Variants in CEP112 observed in about 807,000 individuals in gnomAD.
CEP112 encodes the protein centrosomal protein 112, also known as centrosomal protein of 112 kDa.
In CEP112, 127 loss-of-function variants were observed where a neutral mutation model predicts 153.0. The observed-to-expected ratio is 0.83, with a 90% CI of 0.72 to 0.96. The LOEUF (loss-of-function observed/expected upper bound fraction) is 0.96. Among genes scored for constraint, CEP112 ranks in the 40% least tolerant of loss-of-function variants. CEP112 has a pLI of 0.00. For missense variants in CEP112, 1,089 were observed against 1,101.2 expected (o/e 0.99, Z 0.16); for synonymous variants, 358 against 374.4 (o/e 0.96, Z 0.51).
At chr17:65,979,110 AG>A (rs2063136212) in intron 17 of CEP112, among the ~76,000 whole-genome samples, 1 of 152,238 alleles carries the variant, frequency 6.6e-6, no homozygotes, top group Non-Finnish European at 1.5e-5. Flanking sequence ...AAATGGTTGC[AG>A]ATGCTCAAGC....
At chr17:65,976,144 G>A (rs933203559) in intron 17 of CEP112, among the ~76,000 whole-genome samples, 1 of 152,190 alleles carries the variant, frequency 6.6e-6, no homozygotes, top group African/African-American at 2.4e-5. Flanking sequence ...CCCCAGGGAG[G>A]GCCTATTGTC....
chr17:65,896,238 G>T (rs1406483126), intron 20 of CEP112, among the ~76,000 whole-genome samples: 3 of 151,864 alleles, frequency 2.0e-5, no homozygotes, highest in Non-Finnish European at 4.4e-5. Context: ...TCTACAAATG[G>T]ATCATTCTTA....
In CEP112 at chr17:66,191,275, C is replaced by T. The variant is rs230599; in HGVS notation, c.-9+722G>A. On this transcript the variant is annotated intron_variant, in intron 1 of 26. Coordinates refer to ENST00000535342, the MANE Select transcript of CEP112 (RefSeq NM_001199165.4). This position sits in a 1 kb window ranked among gnomAD's most constrained non-coding sequence, Gnocchi z 4.2. ...ACCATGCATTCCACTAAGCTGCAGC[C>T]TGACCACTGTGGAGAGGCTCATGGA... Among the ~76,000 whole-genome samples, 1 of 152,190 alleles carries T rather than the reference C, an allele frequency of 6.6e-6. No individual in the cohort carries two copies. The highest frequency in any genetic ancestry group is 1.5e-5 in the Non-Finnish European group (1 of 68,048).
At chr17:65,774,464 C>T (rs2053563192) in intron 21 of CEP112, among the ~76,000 whole-genome samples, 1 of 152,154 alleles carries the variant, frequency 6.6e-6, no homozygotes, top group African/African-American at 2.4e-5. Context: ...ATGAGCTTGG[C>T]AGCGTGTGTT....
At chr17:65,808,746 G>A (rs1426510933) in intron 21 of CEP112, among the ~76,000 whole-genome samples, 1 of 152,052 alleles carries the variant, frequency 6.6e-6, no homozygotes, top group Non-Finnish European at 1.5e-5. Context: ...ACCCAGTCAT[G>A]CTTCCTGTTA....
chr17:66,053,117 A>G (rs2066510848), intron 12 of CEP112, among the ~76,000 whole-genome samples: 1 of 151,878 alleles, frequency 6.6e-6, no homozygotes, highest in South Asian at 2.1e-4. Flanking sequence ...AAAGGAAAAA[A>G]AAAAAAGAAA....
chr17:65,665,065 A>G (rs1385636289), intron 24 of CEP112, among the ~76,000 whole-genome samples: 1 of 152,200 alleles, frequency 6.6e-6, no homozygotes, highest in Non-Finnish European at 1.5e-5. Context: ...ATTACCTTCC[A>G]AAGGCCCCAT....
At position 66,086,709 on chromosome 17, in the gene CEP112, T is replaced by C. The variant is rs140708115; in HGVS notation, c.768+9542A>G. Among the ~76,000 whole-genome samples, 1,108 of 152,078 alleles carry C rather than the reference T, an allele frequency of 7.3e-3. 13 individuals carry two copies. The highest frequency in any genetic ancestry group is 0.025 in the African/African-American group (1,056 of 41,508). ...ACCGTGCCTGGCCATACCAATTTTC[T>C]TAAGGAAAACATATGTTTATAGAAC... On this transcript the variant is annotated intron_variant, in intron 8 of 26. Coordinates refer to ENST00000535342, the MANE Select transcript of CEP112 (RefSeq NM_001199165.4).
intron 4 of CEP112, among the ~76,000 whole-genome samples, chr17:66,141,562 C>T (rs78905786): frequency 6.6e-6 from 1 of 152,060 alleles, no homozygotes; most frequent in Admixed American, 6.6e-5. Flanking sequence ...CAGCAACTCC[C>T]CATTTTCCCC....
intron 21 of CEP112, among the ~76,000 whole-genome samples, chr17:65,803,151 T>A (rs1323036458): frequency 6.6e-6 from 1 of 152,226 alleles, no homozygotes; most frequent in Non-Finnish European, 1.5e-5. Context: ...GCTATATGTA[T>A]CTTCTCTCTC....
At chr17:65,732,232 T>C (rs1161969448) in intron 23 of CEP112, among the ~76,000 whole-genome samples, 1 of 152,222 alleles carries the variant, frequency 6.6e-6, no homozygotes, top group Non-Finnish European at 1.5e-5. Context: ...TACATCTCCA[T>C]CAGAGCTCTT....
intron 23 of CEP112, among the ~76,000 whole-genome samples, chr17:65,737,299 T>G (rs1363374085): frequency 6.6e-6 from 1 of 151,816 alleles, no homozygotes; most frequent in Non-Finnish European, 1.5e-5. Flanking sequence ...CAGTGAAGAG[T>G]TGCACAGGGG....
chr17:65,739,483 C>G (rs1342298682), intron 23 of CEP112, among the ~76,000 whole-genome samples: 2 of 152,120 alleles, frequency 1.3e-5, no homozygotes. Context: ...TGCCTGTAAT[C>G]CCAGCACTTT....
chr17:66,085,579 A>AT (rs1332088710), intron 8 of CEP112, among the ~76,000 whole-genome samples: 1 of 152,266 alleles, frequency 6.6e-6, no homozygotes, highest in African/African-American at 2.4e-5. Context: ...AATTATATTC[A>AT]TAAAACATGA....
intron 17 of CEP112, among the ~76,000 whole-genome samples, chr17:65,968,735 G>A (rs543476315): frequency 6.6e-6 from 1 of 152,252 alleles, no homozygotes; most frequent in Non-Finnish European, 1.5e-5. Flanking sequence ...ATAGTTAAGT[G>A]ATTTGCTCAA....
intron 23 of CEP112, among the ~76,000 whole-genome samples, chr17:65,730,337 C>T (rs866459953): frequency 3.3e-5 from 5 of 152,312 alleles, no homozygotes; most frequent in Middle Eastern, 3.4e-3. Context: ...GAAGCAAGGT[C>T]ATAATTCACA....
chr17:66,148,818 T>C (rs746155710), intron 4 of CEP112, among the ~76,000 whole-genome samples: 2 of 152,182 alleles, frequency 1.3e-5, no homozygotes, highest in Non-Finnish European at 2.9e-5. Flanking sequence ...TCCTTCTTCC[T>C]TTTCATTTTG....
At chr17:65,967,521 T>C (rs186979495) in intron 17 of CEP112, among the ~76,000 whole-genome samples, 383 of 152,104 alleles carry the variant, frequency 2.5e-3, no homozygotes, top group Non-Finnish European at 3.0e-3. Context: ...AACTATAATC[T>C]GACTAAGGGA....
At chr17:66,128,154 T>C (rs1162469847) in intron 6 of CEP112, among the ~76,000 whole-genome samples, 1 of 151,602 alleles carries the variant, frequency 6.6e-6, no homozygotes, top group African/African-American at 2.4e-5. Flanking sequence ...AATACAAAAA[T>C]TAGCCAGGCA....
Sources: gnomAD v4.1 joint callset for allele counts (sites outside exome capture counted in the v4.1 genomes callset) on GRCh38, gnomAD v4.1.1 for gene constraint, Gnocchi (gnomAD v3.1) non-coding constraint, MANE v1.5 for transcripts, NCBI Gene and HGNC (gene_info 2026-07-23, HGNC 2026-07-21) for gene names.